SCARA5: variants seen among roughly 807,000 people sequenced by gnomAD.
The protein encoded by SCARA5 is scavenger receptor class A, member 5 (putative).
SCARA5 carries 45 observed loss-of-function variants against 46.3 expected under a neutral mutation model. That is an observed-to-expected ratio of 0.97 (90% CI 0.76 to 1.24). The LOEUF (loss-of-function observed/expected upper bound fraction) is 1.24, where lower values mean the gene tolerates loss of function less well. SCARA5 is among the 50% of genes most tolerant of loss of function. SCARA5 has a pLI of 0.00. For missense variants in SCARA5, 680 were observed against 689.0 expected (o/e 0.99, Z 0.15); for synonymous variants, 333 against 306.5 (o/e 1.09, Z -0.90).
chr8:27,886,651 C>T (rs1177930331), intron 7 of SCARA5, among the ~76,000 whole-genome samples: 2 of 152,202 alleles, frequency 1.3e-5, no homozygotes, highest in South Asian at 2.1e-4. Flanking sequence ...GAATCACCAA[C>T]GCCCTCCAAC....
intron 3 of SCARA5, among the ~76,000 whole-genome samples, chr8:27,960,262 G>A (rs1300732559): frequency 6.6e-6 from 1 of 151,326 alleles, no homozygotes; most frequent in African/African-American, 2.4e-5. Context: ...CTACGACCTT[G>A]AACTCCTGGG....
chr8:27,902,011 C>T (rs1807162898), intron 7 of SCARA5, among the ~76,000 whole-genome samples: 2 of 152,274 alleles, frequency 1.3e-5, no homozygotes, highest in East Asian at 1.9e-4. Context: ...TCCCAGAGTC[C>T]TCCTCATGTT....
chr8:27,935,851 A>G (rs563026420), intron 3 of SCARA5, among the ~76,000 whole-genome samples: 1 of 152,272 alleles, frequency 6.6e-6, no homozygotes, highest in African/African-American at 2.4e-5. Context: ...AAGGCAGGAG[A>G]AGTGAAGACC....
At chr8:27,948,592 A>G (rs546446499) in intron 3 of SCARA5, among the ~76,000 whole-genome samples, 36 of 152,324 alleles carry the variant, frequency 2.4e-4, no homozygotes, top group Non-Finnish European at 5.9e-5. Context: ...TTGAGCAGCT[A>G]GGGGCCTGGA....
intron 7 of SCARA5, among the ~76,000 whole-genome samples, chr8:27,888,699 C>T (rs1806935732): frequency 6.6e-6 from 1 of 152,180 alleles, no homozygotes; most frequent in Non-Finnish European, 1.5e-5. Flanking sequence ...CAAGAAGATC[C>T]CACTTCGGTT....
At chr8:27,877,432 C>T (rs1369708806) in intron 8 of SCARA5, among the ~76,000 whole-genome samples, 1 of 152,190 alleles carries the variant, frequency 6.6e-6, no homozygotes, top group East Asian at 1.9e-4. Context: ...AAAGAAGCCA[C>T]AGTCTACAGG....
At chr8:27,927,678 C>A (rs1807704084) in intron 3 of SCARA5, among the ~76,000 whole-genome samples, 1 of 152,090 alleles carries the variant, frequency 6.6e-6, no homozygotes, top group Admixed American at 6.6e-5. Context: ...AAAGGTTCCT[C>A]CCCTTCCCTT....
At chr8:27,921,513 A>T (rs1048052346) in intron 4 of SCARA5, 58 bp downstream of exon 4, 3 of 1,433,392 alleles carry the variant, frequency 2.1e-6, no homozygotes, top group Admixed American at 2.4e-5. Context: ...AGGGGCGTGC[A>T]GGAGGAAGAC....
intron 7 of SCARA5, among the ~76,000 whole-genome samples, chr8:27,894,626 C>G (rs977723028): frequency 6.6e-6 from 1 of 152,238 alleles, no homozygotes; most frequent in Admixed American, 6.5e-5. Context: ...CCCGGCTACA[C>G]AACTCCCTAG....
At chr8:27,877,580 T>C (rs1216346623) in intron 8 of SCARA5, among the ~76,000 whole-genome samples, 1 of 151,472 alleles carries the variant, frequency 6.6e-6, no homozygotes, top group Non-Finnish European at 1.5e-5. Context: ...CAAAAGGTTT[T>C]ACTGCCACTT....
chr8:27,899,547 C>T (rs542258600), intron 7 of SCARA5, among the ~76,000 whole-genome samples: 4 of 152,336 alleles, frequency 2.6e-5, no homozygotes, highest in African/African-American at 9.6e-5. Flanking sequence ...GTCTACCACG[C>T]ACGAGGCATT....
intron 6 of SCARA5, among the ~76,000 whole-genome samples, chr8:27,906,364 G>T (rs1282418447): frequency 6.6e-6 from 1 of 152,222 alleles, no homozygotes; most frequent in Non-Finnish European, 1.5e-5. Context: ...CGTAAACAAG[G>T]GGACTGCCTA....
chr8:27,901,938 C>G (rs1259043654), intron 7 of SCARA5, among the ~76,000 whole-genome samples: 1 of 152,198 alleles, frequency 6.6e-6, no homozygotes, highest in Non-Finnish European at 1.5e-5. Flanking sequence ...CCCTATGGGC[C>G]TCTGAAAATG....
chr8:27,928,810 C>T (rs1807722493), intron 3 of SCARA5, among the ~76,000 whole-genome samples: 1 of 152,068 alleles, frequency 6.6e-6, no homozygotes. Context: ...GGACTACAGG[C>T]ACCCACCACC....
intron 3 of SCARA5, among the ~76,000 whole-genome samples, chr8:27,926,859 T>C (rs930776662): frequency 6.6e-6 from 1 of 152,162 alleles, no homozygotes; most frequent in Non-Finnish European, 1.5e-5. Context: ...GACAGGGCTG[T>C]TGGAGAATAA....
chr8:27,921,949 T>A lies in SCARA5; in HGVS notation c.538A>T (p.Thr180Ser). ...AGCTGGTAGAGCTCCAGCTGCGCCG[T>A]GTCGCTCTGCTGGCCCGTGCGGTCC... ...LRDRTGQQSD[T>S]AQLELYQLQV... Residue 180 changes from threonine (T) to serine (S), a missense_variant, in exon 4 of 9, where the codon ACG (threonine) becomes TCG (serine). Thr to Ser is a moderately conservative substitution (Grantham distance 58). Transcript: ENST00000354914. 1.9e-6 allele frequency: 3 copies of A among 1,544,426 alleles called. No individual in the cohort carries two copies. The South Asian group carries it at 3.7e-5, about 19-fold the overall frequency.
At chr8:27,918,118 C>T (rs1026514676) in intron 4 of SCARA5, among the ~76,000 whole-genome samples, 2 of 152,128 alleles carry the variant, frequency 1.3e-5, no homozygotes, top group African/African-American at 4.8e-5. Context: ...AGGCATTGGG[C>T]TTAAAGGTCC....
chr8:27,885,273 C>T (rs73564983), intron 7 of SCARA5, among the ~76,000 whole-genome samples: 4 of 152,154 alleles, frequency 2.6e-5, no homozygotes, highest in African/African-American at 4.8e-5. Flanking sequence ...GACGTGGACT[C>T]CCCCACCTCA....
chr8:27,968,194 C>G (rs1428632586), intron 2 of SCARA5, among the ~76,000 whole-genome samples: 1 of 152,124 alleles, frequency 6.6e-6, no homozygotes, highest in African/African-American at 2.4e-5. Context: ...TGCCCTGGTC[C>G]CCCAGAGGTA....
Sources: gnomAD v4.1 joint callset for allele counts (sites outside exome capture counted in the v4.1 genomes callset) on GRCh38, gnomAD v4.1.1 for gene constraint, MANE v1.5 for transcripts, NCBI Gene and HGNC (gene_info 2026-07-23, HGNC 2026-07-21) for gene names.